SCHIP1: variants seen among roughly 807,000 people sequenced by gnomAD.
The protein encoded by SCHIP1 is schwannomin interacting protein 1.
A neutral mutation model predicts 29.7 loss-of-function variants in SCHIP1; 8 were observed. That is an observed-to-expected ratio of 0.27 (90% CI 0.16 to 0.49). The LOEUF is 0.49. Among genes scored for constraint, SCHIP1 ranks in the 20% least tolerant of loss-of-function variants. The pLI, the probability that SCHIP1 is intolerant of heterozygous loss-of-function variation, is 0.99. For missense variants in SCHIP1, 193 were observed against 294.6 expected (o/e 0.66, Z 2.52); for synonymous variants, 76 against 94.9 (o/e 0.80, Z 1.16).
At chr3:159,328,355 T>C in the SCHIP1 span, among the ~76,000 whole-genome samples, 2,375 of 152,110 alleles carry the variant, frequency 0.016, 79 homozygotes, top group African/African-American at 0.055. Flanking sequence ...CAGAGGAACA[T>C]GTAAGGAAGG....
chr3:159,708,457 AAG>A, the SCHIP1 span, among the ~76,000 whole-genome samples: 17 of 152,332 alleles, frequency 1.1e-4, no homozygotes, highest in African/African-American at 4.1e-4. Context: ...GACAGAAGAA[AAG>A]AGAGAGGATG....
the SCHIP1 span, among the ~76,000 whole-genome samples, chr3:159,323,226 G>A: frequency 6.6e-6 from 1 of 152,136 alleles, no homozygotes; most frequent in African/African-American, 2.4e-5. Flanking sequence ...TTTTTAAAAA[G>A]TAATAGATTA....
the SCHIP1 span, among the ~76,000 whole-genome samples, chr3:159,602,106 C>T: frequency 1.3e-5 from 2 of 152,202 alleles, no homozygotes; most frequent in African/African-American, 4.8e-5. Flanking sequence ...CCATGGTTCA[C>T]ATCGCAGCAG....
chr3:159,693,386 C>A, the SCHIP1 span, among the ~76,000 whole-genome samples: 4 of 152,086 alleles, frequency 2.6e-5, no homozygotes, highest in African/African-American at 9.7e-5. Flanking sequence ...AATCTGCCAA[C>A]TTTATATTTG....
At chr3:159,888,287 G>T in intron 4 of SCHIP1, 1 of 260,330 alleles carries the variant, frequency 3.8e-6, no homozygotes, top group Non-Finnish European at 7.5e-6. Context: ...ATAGTGAATA[G>T]GAGTCCTGGA....
the SCHIP1 span, among the ~76,000 whole-genome samples, chr3:159,505,982 C>A: frequency 6.6e-4 from 101 of 152,264 alleles, no homozygotes; most frequent in African/African-American, 2.3e-3. Flanking sequence ...TGGGTATATA[C>A]CCAGTAATGG....
the SCHIP1 span, among the ~76,000 whole-genome samples, chr3:159,449,967 A>T: frequency 6.6e-6 from 1 of 152,040 alleles, no homozygotes; most frequent in African/African-American, 2.4e-5. Context: ...GAGGGAAGAG[A>T]AGAGGAAGGA....
chr3:159,622,374 A>G, the SCHIP1 span, among the ~76,000 whole-genome samples: 1 of 152,198 alleles, frequency 6.6e-6, no homozygotes, highest in Non-Finnish European at 1.5e-5. Context: ...AACAAATAGC[A>G]TCTGTAGGCA....
At chr3:159,688,037 C>T in the SCHIP1 span, among the ~76,000 whole-genome samples, 62 of 152,180 alleles carry the variant, frequency 4.1e-4, no homozygotes, top group African/African-American at 1.4e-3. Context: ...TCTTTGCTAT[C>T]GTGAATAGTG....
At chr3:159,494,505 A>G in the SCHIP1 span, among the ~76,000 whole-genome samples, 10 of 152,348 alleles carry the variant, frequency 6.6e-5, no homozygotes, top group African/African-American at 2.4e-4. Context: ...AAAATCTAGA[A>G]GAAATGGATA....
the SCHIP1 span, among the ~76,000 whole-genome samples, chr3:159,609,055 C>T: frequency 6.6e-6 from 1 of 152,130 alleles, no homozygotes; most frequent in African/African-American, 2.4e-5. Flanking sequence ...TAAAATATAA[C>T]CTCTACTCTT....
chr3:159,492,101 T>G, the SCHIP1 span, among the ~76,000 whole-genome samples: 2 of 152,112 alleles, frequency 1.3e-5, no homozygotes, highest in Non-Finnish European at 2.9e-5. Flanking sequence ...CCCATCTGTA[T>G]GTCACCATCA....
At chr3:159,654,232 A>G in the SCHIP1 span, among the ~76,000 whole-genome samples, 1 of 152,158 alleles carries the variant, frequency 6.6e-6, no homozygotes, top group Non-Finnish European at 1.5e-5. Flanking sequence ...ATAAAAAATG[A>G]ACCACTTTTT....
At chr3:159,445,638 C>A in the SCHIP1 span, among the ~76,000 whole-genome samples, 10,985 of 152,158 alleles carry the variant, frequency 0.072, 795 homozygotes, top group East Asian at 0.32. Context: ...AAATGTCCAA[C>A]CATGATAGAC....
chr3:159,318,083 C>A, the SCHIP1 span, among the ~76,000 whole-genome samples: 1 of 152,118 alleles, frequency 6.6e-6, no homozygotes, highest in South Asian at 2.1e-4. Context: ...TGTGTAACCT[C>A]CATCCCTGCC....
chr3:159,317,967 C>T, the SCHIP1 span, among the ~76,000 whole-genome samples: 2 of 152,270 alleles, frequency 1.3e-5, no homozygotes, highest in South Asian at 4.2e-4. Context: ...GGAATGGTGC[C>T]ATATCGAGGG....
At chr3:159,568,288 T>C in the SCHIP1 span, among the ~76,000 whole-genome samples, 1 of 152,084 alleles carries the variant, frequency 6.6e-6, no homozygotes, top group East Asian at 1.9e-4. Flanking sequence ...ATTATATTTC[T>C]TTATCTCATT....
At chr3:159,643,991 CT>C in the SCHIP1 span, among the ~76,000 whole-genome samples, 1 of 152,044 alleles carries the variant, frequency 6.6e-6, no homozygotes, top group South Asian at 2.1e-4. Flanking sequence ...ATGCTCTTTG[CT>C]TTTCCCCACT....
At chr3:159,305,208 G>A in the SCHIP1 span, among the ~76,000 whole-genome samples, 1 of 152,164 alleles carries the variant, frequency 6.6e-6, no homozygotes, top group Non-Finnish European at 1.5e-5. Context: ...GCTGGGTCCA[G>A]TAGCAGGGGA....
Sources: allele counts gnomAD v4.1 joint callset (sites outside exome capture counted in the v4.1 genomes callset), GRCh38; gene constraint gnomAD v4.1.1; transcripts MANE v1.5; gene names NCBI Gene and HGNC (gene_info 2026-07-23, HGNC 2026-07-21).